Variants in TRERF1 observed in about 807,000 individuals in gnomAD.
The protein encoded by TRERF1 is transcriptional-regulating factor 1.
In TRERF1, 27 loss-of-function variants were observed where a neutral mutation model predicts 122.9. That is an observed-to-expected ratio of 0.22 (90% CI 0.16 to 0.30). The LOEUF (loss-of-function observed/expected upper bound fraction) is 0.30. TRERF1 is among the 10% of genes least tolerant of loss of function. The pLI, the probability that TRERF1 is intolerant of heterozygous loss-of-function variation, is 1.00. For missense variants in TRERF1, 1,248 were observed against 1,560.3 expected, an observed-to-expected ratio of 0.80 and a Z score of 3.37; for synonymous variants, 636 against 641.7, an observed-to-expected ratio of 0.99 and a Z score of 0.13.
chr6:42,406,434 G>A (rs1260637230), intron 2 of TRERF1, among the ~76,000 whole-genome samples: 1 of 152,196 alleles, frequency 6.6e-6, no homozygotes, highest in Non-Finnish European at 1.5e-5. Context: ...ACCACAGGCA[G>A]AGCAGGCAGA....
rs543154269 is a variant in TRERF1, at chr6:42,410,492, T to C, written c.-454+40685A>G. Among the ~76,000 whole-genome samples, 4 of 152,230 alleles carry C rather than the reference T, an allele frequency of 2.6e-5. No individual in the cohort carries two copies. In the East Asian group the frequency reaches 7.7e-4, roughly 29 times the overall value. ...AGAGCCCATTCAGTGACCATAAAAT[T>C]CATCTGGAAAAATTAATAAAGAATA... On this transcript the variant is annotated intron_variant, in intron 2 of 17. Transcript: ENST00000372922.
intron 16 of TRERF1, 150 bp from the exon 17 acceptor site, chr6:42,233,078 T>G: frequency 1.2e-6 from 1 of 835,362 alleles, no homozygotes; most frequent in East Asian, 2.7e-5. Context: ...ACAGATCCTG[T>G]GCCAATCAAA....
chr6:42,326,317 A>G (rs1417391091), intron 3 of TRERF1, among the ~76,000 whole-genome samples: 2 of 152,262 alleles, frequency 1.3e-5, no homozygotes, highest in Non-Finnish European at 2.9e-5. Flanking sequence ...AGTAGGTTCC[A>G]AAGCCTGGAT....
chr6:42,361,184 C>T (rs150004718), intron 3 of TRERF1, among the ~76,000 whole-genome samples: 1 of 152,262 alleles, frequency 6.6e-6, no homozygotes, highest in East Asian at 1.9e-4. Context: ...CCTTCCATGA[C>T]GTAAGGACAC....
At chr6:42,398,852 C>T (rs1400278893) in intron 2 of TRERF1, among the ~76,000 whole-genome samples, 3 of 152,192 alleles carry the variant, frequency 2.0e-5, no homozygotes, top group Non-Finnish European at 4.4e-5. Flanking sequence ...AGTGAAACTA[C>T]AAGGAGATCA....
Position 42,345,277 on chromosome 6 carries a change from T to C in TRERF1, c.-371+17720A>G, listed in dbSNP as rs566766600. ...ACACTATGTACTATTCCTGTAAGTT[T>C]GTAAAGCAATTACATTGGAAAGCAA... is the stretch of plus-strand genomic sequence containing the variant. On this transcript the variant is annotated intron_variant, in intron 3 of 17. Transcript: ENST00000372922. Among the ~76,000 whole-genome samples the C allele has an allele frequency of 7.9e-5, 12 of 152,380 alleles. No homozygotes were observed. The South Asian group carries it at 2.3e-3, about 29-fold the overall frequency.
At chr6:42,386,442 CA>C (rs1562111879) in intron 2 of TRERF1, among the ~76,000 whole-genome samples, 2 of 151,246 alleles carry the variant, frequency 1.3e-5, no homozygotes, top group South Asian at 4.2e-4. Flanking sequence ...GACCCTGTTT[CA>C]AAAAAAGGAG....
At chr6:42,267,381 A>G (rs971755308) in intron 5 of TRERF1, among the ~76,000 whole-genome samples, 1 of 152,204 alleles carries the variant, frequency 6.6e-6, no homozygotes. Flanking sequence ...CTGTAATCCC[A>G]GCACTTTGGG....
At chr6:42,350,921 A>T (rs1769305496) in intron 3 of TRERF1, among the ~76,000 whole-genome samples, 1 of 152,140 alleles carries the variant, frequency 6.6e-6, no homozygotes, top group Non-Finnish European at 1.5e-5. Context: ...CAAAAGATGG[A>T]GCACTGCAAA....
intron 14 of TRERF1, among the ~76,000 whole-genome samples, chr6:42,244,287 C>A (rs1042635265): frequency 4.6e-5 from 7 of 152,210 alleles, no homozygotes; most frequent in Admixed American, 1.3e-4. Context: ...TGGGTTCAAG[C>A]GATTCTCCTG....
At chr6:42,354,543 T>G (rs1770137354) in intron 3 of TRERF1, among the ~76,000 whole-genome samples, 1 of 152,202 alleles carries the variant, frequency 6.6e-6, no homozygotes, top group African/African-American at 2.4e-5. Context: ...CATCTGTAAT[T>G]CATTTTGGTG....
chr6:42,306,288 C>T (rs1787230611), intron 3 of TRERF1, among the ~76,000 whole-genome samples: 3 of 152,110 alleles, frequency 2.0e-5, no homozygotes, highest in Admixed American at 1.3e-4. Flanking sequence ...AGGTGTGAGC[C>T]ACCACGCCCG....
intron 3 of TRERF1, among the ~76,000 whole-genome samples, chr6:42,303,380 G>A (rs1229961857): frequency 6.6e-6 from 1 of 152,192 alleles, no homozygotes; most frequent in Non-Finnish European, 1.5e-5. Context: ...GCTTTCCTAA[G>A]GAATTAGTCT....
chr6:42,357,456 G>A (rs754324989), intron 3 of TRERF1, among the ~76,000 whole-genome samples: 6 of 152,066 alleles, frequency 3.9e-5, no homozygotes, highest in African/African-American at 7.2e-5. Flanking sequence ...CTAAGAATGC[G>A]GTTAACAGAC....
chr6:42,372,479 G>A (rs1186045533), intron 2 of TRERF1, among the ~76,000 whole-genome samples: 1 of 152,116 alleles, frequency 6.6e-6, no homozygotes, highest in Admixed American at 6.5e-5. Context: ...ACCACTTAGA[G>A]TCCAGTCTCT....
chr6:42,280,310 T>G (rs1170533222), intron 4 of TRERF1, among the ~76,000 whole-genome samples: 1 of 152,110 alleles, frequency 6.6e-6, no homozygotes, highest in African/African-American at 2.4e-5. Context: ...ACTTCCTGAG[T>G]CGCTCCCTCC....
chr6:42,312,705 G>C (rs1424895243), intron 3 of TRERF1, among the ~76,000 whole-genome samples: 2 of 152,132 alleles, frequency 1.3e-5, no homozygotes, highest in Admixed American at 6.5e-5. Flanking sequence ...AGGTAATTTG[G>C]CTTTACCCAT....
chr6:42,352,280 C>A (rs539051665), intron 3 of TRERF1, among the ~76,000 whole-genome samples: 2 of 152,344 alleles, frequency 1.3e-5, no homozygotes, highest in African/African-American at 4.8e-5. Context: ...CAGGCGTGAG[C>A]CACTGCATCC....
At chr6:42,226,114 C>G (rs1769468955) in exon 18 of TRERF1, 4 of 152,168 alleles carry the variant, frequency 2.6e-5, no homozygotes, top group Non-Finnish European at 5.9e-5. Flanking sequence ...TTTGAACTGT[C>G]TCGTTAAGGA....
Sources: gnomAD v4.1 joint callset for allele counts (sites outside exome capture counted in the v4.1 genomes callset) on GRCh38, gnomAD v4.1.1 for gene constraint, MANE v1.5 for transcripts, NCBI Gene and HGNC (gene_info 2026-07-23, HGNC 2026-07-21) for gene names.